USP45: variants seen among roughly 807,000 people sequenced by gnomAD.
The protein encoded by USP45 is ubiquitin carboxyl-terminal hydrolase 45.
Under a neutral mutation model 95.8 loss-of-function variants are expected in USP45, and 89 were observed. The ratio of observed to expected loss-of-function variants is 0.93; its 90% CI spans 0.78 to 1.11. The LOEUF is 1.11. Ranked by LOEUF, USP45 falls within the 50% of genes least tolerant of loss-of-function variation. The pLI, the probability that USP45 is intolerant of heterozygous loss-of-function variation, is 0.00. For synonymous variants in USP45, 281 were observed against 316.2 expected, an observed-to-expected ratio of 0.89 and a Z score of 1.18; for missense variants, 898 against 942.5, an observed-to-expected ratio of 0.95 and a Z score of 0.62.
Position 99,444,472 on chromosome 6 carries a change from C to A in USP45, c.1976-810G>T, listed in dbSNP as rs574692654. Among the ~76,000 whole-genome samples the A allele has an allele frequency of 2.4e-4, 37 of 152,206 alleles. No individual in the cohort carries two copies. In the East Asian group the frequency reaches 6.2e-3, roughly 25 times the overall value. ...GGTCTGGTTAACATTGGAGGGACAACCCCTCCCAGGGCTAATTCCTAGAGA... is the reference window on the plus strand; with the variant it reads ...GGTCTGGTTAACATTGGAGGGACAAACCCTCCCAGGGCTAATTCCTAGAGA... On this transcript the variant is annotated intron_variant, in intron 14 of 17. Coordinates refer to ENST00000500704, the MANE Select transcript of USP45 (RefSeq NM_001346022.3).
chr6:99,490,176 T>C (rs1794849872), intron 5 of USP45, among the ~76,000 whole-genome samples: 1 of 152,108 alleles, frequency 6.6e-6, no homozygotes, highest in South Asian at 2.1e-4. Context: ...ATTTTTTCTT[T>C]TTTAAAAAAC....
rs1439357615 is a variant in USP45 at position 99,461,198 on chromosome 6, G to A, written c.1308+3406C>T. 8 of 985,216 alleles carry A rather than the reference G, an allele frequency of 8.1e-6. No homozygotes were observed. In the African/African-American group the frequency reaches 1.4e-4, roughly 17 times the overall value. The allele number at this position is 985,216 out of a possible 1,614,324, so 61.0% of individuals were successfully genotyped here. A position where few individuals can be genotyped will look rare whatever the true frequency, so the allele number is the denominator to read the frequency against. ...GGATTTCTTTCTGAACTAATGAGCT[G>A]AGGCAGGATTTTATATAAGGATATC... is the stretch of plus-strand genomic sequence containing the variant. On this transcript the variant is annotated intron_variant, in intron 13 of 17. Coordinates refer to ENST00000500704, the MANE Select transcript of USP45 (RefSeq NM_001346022.3).
Position 99,432,430 on chromosome 6 carries a change from C to T in USP45, c.*3286G>A, listed in dbSNP as rs1214069755. On this transcript the variant is annotated 3_prime_UTR_variant, in exon 18 of 18. Coordinates refer to ENST00000500704, the MANE Select transcript of USP45 (RefSeq NM_001346022.3). ...AACGTAAACTGTGAAAATTCCAGGA[C>T]CAATCTTGTAACATGAGATAAATAA... 1 of 151,962 alleles carries T rather than the reference C, an allele frequency of 6.6e-6. No individual in the cohort carries two copies. The highest frequency in any genetic ancestry group is 2.4e-5 in the African/African-American group (1 of 41,336). 9.4% of individuals were successfully genotyped at this position (151,962 alleles called of 1,614,324 possible).
At chr6:99,462,187 CA>C (rs1057422014) in intron 13 of USP45, 1 of 976,340 alleles carries the variant, frequency 1.0e-6, no homozygotes, top group Non-Finnish European at 1.2e-6. Flanking sequence ...AAAAAAGTAA[CA>C]AAAAATATTA....
Position 99,462,474 on chromosome 6 carries a change from A to G in USP45, c.1308+2130T>C, listed in dbSNP as rs540896584. ...ACTACACATTTATATTTTAATAACC[A>G]GTGCTTTTTAGGGGAATAGCAACAC... On this transcript the variant is annotated intron_variant, in intron 13 of 17. Coordinates refer to ENST00000500704, the MANE Select transcript of USP45 (RefSeq NM_001346022.3). The G allele has an allele frequency of 1.4e-5, 14 of 983,686 alleles. No homozygotes were observed. The African/African-American group carries it at 1.9e-4, about 13-fold the overall frequency. The allele number at this position is 983,686 out of a possible 1,614,324, so 60.9% of individuals were successfully genotyped here.
chr6:99,496,841 CT>C (rs1379623975), intron 5 of USP45, among the ~76,000 whole-genome samples: 2 of 151,690 alleles, frequency 1.3e-5, no homozygotes, highest in Admixed American at 1.3e-4. Context: ...CATATCCCCC[CT>C]ACCCCAACAC....
At chr6:99,516,045 G>A (rs560521358), upstream of USP45, among the ~76,000 whole-genome samples, 256 of 152,090 alleles carry the variant, frequency 1.7e-3, 1 homozygote, top group Non-Finnish European at 2.7e-3. Flanking sequence ...CCAAAGTGCT[G>A]GGATCACAGG....
At chr6:99,508,323 T>C (rs1798991059) in intron 3 of USP45, among the ~76,000 whole-genome samples, 1 of 152,216 alleles carries the variant, frequency 6.6e-6, no homozygotes, top group East Asian at 1.9e-4. Context: ...GGTAGATCCA[T>C]TTCCTAAGTA....
chr6:99,453,223 G>A (rs1784305266), intron 13 of USP45, among the ~76,000 whole-genome samples: 1 of 148,170 alleles, frequency 6.7e-6, no homozygotes, highest in Non-Finnish European at 1.5e-5. Flanking sequence ...AAGTCAAATT[G>A]TTCCTCTTCA....
At chr6:99,439,687 G>T in intron 16 of USP45, 82 bp downstream of exon 16, 1 of 1,012,604 alleles carries the variant, frequency 9.9e-7, no homozygotes, top group Non-Finnish European at 1.3e-6. Flanking sequence ...TATTTTTTTA[G>T]AAAAAGCATT....
At chr6:99,449,334 G>A (rs959453403) in intron 13 of USP45, among the ~76,000 whole-genome samples, 1 of 152,036 alleles carries the variant, frequency 6.6e-6, no homozygotes, top group Non-Finnish European at 1.5e-5. Context: ...GATCTACCAA[G>A]CAAATGGAAA....
chr6:99,515,161 C>G (rs1369357203), intron 1 of USP45: 5 of 152,344 alleles, frequency 3.3e-5, no homozygotes, highest in Admixed American at 2.6e-4. Context: ...AGGCCAGCCC[C>G]GACGCCCAGG....
At chr6:99,509,301 T>C (rs1332522006) in intron 2 of USP45, among the ~76,000 whole-genome samples, 1 of 152,148 alleles carries the variant, frequency 6.6e-6, no homozygotes, top group Non-Finnish European at 1.5e-5. Context: ...GAGCCTCCCC[T>C]GATGTTAATG....
chr6:99,472,396 A>T (rs1014895337), intron 9 of USP45, among the ~76,000 whole-genome samples: 6 of 151,986 alleles, frequency 3.9e-5, no homozygotes, highest in Non-Finnish European at 7.4e-5. Flanking sequence ...TTGTATTTTT[A>T]GTAGACACGG....
intron 5 of USP45, among the ~76,000 whole-genome samples, chr6:99,493,910 T>C (rs1795750842): frequency 6.6e-6 from 1 of 152,206 alleles, no homozygotes; most frequent in Non-Finnish European, 1.5e-5. Context: ...ACATTTTAGA[T>C]GATATTAAAA....
chr6:99,451,610 G>T (rs1040108307), intron 13 of USP45, among the ~76,000 whole-genome samples: 13 of 152,098 alleles, frequency 8.5e-5, no homozygotes, highest in African/African-American at 3.1e-4. Context: ...ACTGCCCAAG[G>T]TAATTTATAG....
At chr6:99,497,030 G>A (rs1253899521) in intron 5 of USP45, among the ~76,000 whole-genome samples, 1 of 152,056 alleles carries the variant, frequency 6.6e-6, no homozygotes, top group Non-Finnish European at 1.5e-5. Flanking sequence ...CAGCATTATA[G>A]TATCATACAG....
chr6:99,506,731 T>C (rs924259400), intron 4 of USP45, among the ~76,000 whole-genome samples: 2 of 152,190 alleles, frequency 1.3e-5, no homozygotes, highest in African/African-American at 4.8e-5. Context: ...AACAGCAGAA[T>C]GACCTGAAAA....
intron 13 of USP45, chr6:99,461,482 C>T: frequency 1.0e-6 from 1 of 985,386 alleles, no homozygotes; most frequent in Non-Finnish European, 1.2e-6. Context: ...AGAAATTGCA[C>T]ACACTAGTTT....
Sources: gnomAD v4.1 joint callset for allele counts (sites outside exome capture counted in the v4.1 genomes callset) on GRCh38, gnomAD v4.1.1 for gene constraint, MANE v1.5 for transcripts, NCBI Gene and HGNC (gene_info 2026-07-23, HGNC 2026-07-21) for gene names.